The following DMD variants were observed in gnomAD, a reference collection of about 807,000 sequenced individuals.
The protein encoded by DMD is dystrophin, also known as mutant dystrophin.
Under a neutral mutation model 330.1 loss-of-function variants are expected in DMD, and 63 were observed. That is an observed-to-expected ratio of 0.19 (90% CI 0.16 to 0.24). The LOEUF (loss-of-function observed/expected upper bound fraction) is 0.24, where lower values mean the gene tolerates loss of function less well. Among genes scored for constraint, DMD ranks in the 10% least tolerant of loss-of-function variants. The pLI, the probability that DMD is intolerant of heterozygous loss-of-function variation, is 1.00. For missense variants in DMD, 3,344 were observed against 2,684.1 expected, an observed-to-expected ratio of 1.25 and a Z score of -5.43; for synonymous variants, 1,223 against 959.8, an observed-to-expected ratio of 1.27 and a Z score of -5.07.
intron 60 of DMD, among the ~76,000 whole-genome samples, chrX:31,396,548 G>GTTTTTTTTTTTT (rs56745544): frequency 3.0e-5 from 2 of 66,067 alleles, no homozygotes; most frequent in Non-Finnish European, 5.3e-5. Flanking sequence ...AAATCCCAGG[G>GTTTTTTTTTTTT]TTTTTTTTTT....
chrX:33,059,147 C>T (rs2148062173), intron 1 of DMD, among the ~76,000 whole-genome samples: 1 of 111,424 alleles, frequency 9.0e-6, no homozygotes, highest in Non-Finnish European at 1.9e-5. Context: ...TTTGCTTAGC[C>T]TGTATCTCAC....
intron 34 of DMD, among the ~76,000 whole-genome samples, chrX:32,367,494 A>G (rs1367443780): frequency 4.4e-5 from 5 of 112,621 alleles, no homozygotes; most frequent in African/African-American, 1.3e-4. Flanking sequence ...AGATGACACT[A>G]TATTTTAGCA....
intron 7 of DMD, among the ~76,000 whole-genome samples, chrX:32,729,070 G>C (rs1481006472): frequency 8.9e-6 from 1 of 112,205 alleles, no homozygotes; most frequent in Admixed American, 9.5e-5. Context: ...GTGTAAGCAA[G>C]TAAGTTCAAT....
At chrX:31,695,184 T>C (rs2083377579) in intron 52 of DMD, among the ~76,000 whole-genome samples, 1 of 111,390 alleles carries the variant, frequency 9.0e-6, no homozygotes, top group East Asian at 2.8e-4. Context: ...CGAAAATCAC[T>C]GCATGTTCTC....
intron 1 of DMD, among the ~76,000 whole-genome samples, chrX:33,277,533 C>T (rs1302796305): frequency 9.0e-6 from 1 of 110,973 alleles, no homozygotes; most frequent in Non-Finnish European, 1.9e-5. Context: ...CACAAGCAGA[C>T]ACGTCCTTAT....
chrX:32,240,846 T>G (rs187928680), intron 43 of DMD, among the ~76,000 whole-genome samples: 1 of 111,448 alleles, frequency 9.0e-6, no homozygotes, highest in East Asian at 2.8e-4. Context: ...AGTGTCTAAT[T>G]AACTACCCTG....
chrX:32,030,935 C>T (rs2095877938), intron 44 of DMD, among the ~76,000 whole-genome samples: 1 of 111,639 alleles, frequency 9.0e-6, no homozygotes, highest in Non-Finnish European at 1.9e-5. Flanking sequence ...AACATCTGCC[C>T]TGTTATTCAC....
At chrX:33,010,280 A>C (rs188499383) in intron 2 of DMD, among the ~76,000 whole-genome samples, 1 of 108,583 alleles carries the variant, frequency 9.2e-6, no homozygotes, top group Admixed American at 9.9e-5. Flanking sequence ...GTATATGTAC[A>C]TATATGTGTG....
chrX:31,620,706 C>T (rs1456982577), intron 55 of DMD, among the ~76,000 whole-genome samples: 1 of 111,378 alleles, frequency 9.0e-6, no homozygotes, highest in Non-Finnish European at 1.9e-5. Context: ...TGAGCCACCA[C>T]GCCTGGCCCA....
At chrX:31,721,684 CACTCTCTCTCT>C (rs2085510049) in intron 52 of DMD, among the ~76,000 whole-genome samples, 2 of 68,524 alleles carry the variant, frequency 2.9e-5, no homozygotes, top group South Asian at 9.2e-4. Flanking sequence ...CTCTCTCTCT[CACTCTCTCTCT>C]CTCTCTCTCT....
intron 2 of DMD, among the ~76,000 whole-genome samples, chrX:32,925,750 G>A (rs1368025897): frequency 9.0e-6 from 1 of 111,661 alleles, no homozygotes; most frequent in East Asian, 2.8e-4. Flanking sequence ...ACTACTAAAC[G>A]TTATAATCTT....
At chrX:31,977,518 C>T (rs955100744) in intron 44 of DMD, among the ~76,000 whole-genome samples, 1 of 110,841 alleles carries the variant, frequency 9.0e-6, no homozygotes, top group Non-Finnish European at 1.9e-5. Flanking sequence ...GATTACAGAA[C>T]CCCCAAGACA....
At chrX:32,571,719 T>G (rs2052441628) in intron 15 of DMD, among the ~76,000 whole-genome samples, 1 of 111,868 alleles carries the variant, frequency 8.9e-6, no homozygotes, top group South Asian at 3.7e-4. Flanking sequence ...AATTATCATT[T>G]TTGTCATTCC....
chrX:32,688,127 A>T (rs1336655803), intron 9 of DMD, among the ~76,000 whole-genome samples: 2 of 111,564 alleles, frequency 1.8e-5, no homozygotes, highest in African/African-American at 6.5e-5. Context: ...TAAACACCGG[A>T]ACACAGATTA....
At chrX:33,177,089 C>A (rs1004499992) in intron 1 of DMD, among the ~76,000 whole-genome samples, 14 of 112,060 alleles carry the variant, frequency 1.2e-4, no homozygotes, top group African/African-American at 4.5e-4. Flanking sequence ...AAATTGCATC[C>A]CAGAGCTGAT....
At chrX:32,389,831 C>T (rs1393834867) in intron 31 of DMD, among the ~76,000 whole-genome samples, 157 bp from the exon 32 acceptor site, 1 of 111,600 alleles carries the variant, frequency 9.0e-6, no homozygotes, top group Admixed American at 9.6e-5. Context: ...CACAGGAAAA[C>T]ATACATTTGG....
chrX:31,625,719 A>G (rs924971185), intron 55 of DMD, among the ~76,000 whole-genome samples: 1 of 111,645 alleles, frequency 9.0e-6, no homozygotes, highest in Non-Finnish European at 1.9e-5. Context: ...CAGTTTCTTG[A>G]GATTAGAAAT....
intron 13 of DMD, among the ~76,000 whole-genome samples, chrX:32,576,136 T>C (rs1028479043): frequency 3.6e-5 from 4 of 111,935 alleles, no homozygotes; most frequent in Non-Finnish European, 7.5e-5. Context: ...AAAAAACTAA[T>C]AGAGTAGTTC....
At chrX:32,779,260 A>G (rs1569518857) in intron 7 of DMD, among the ~76,000 whole-genome samples, 1 of 104,804 alleles carries the variant, frequency 9.5e-6, no homozygotes, top group Non-Finnish European at 1.9e-5. Flanking sequence ...TACTGCACAC[A>G]CACAGAGAGT....
Sources: gnomAD v4.1 joint callset for allele counts (sites outside exome capture counted in the v4.1 genomes callset) on GRCh38, gnomAD v4.1.1 for gene constraint, MANE v1.5 for transcripts, NCBI Gene and HGNC (gene_info 2026-07-23, HGNC 2026-07-21) for gene names.